The following USP32 variants were observed in gnomAD, a reference collection of about 807,000 sequenced individuals.
The protein encoded by USP32 is ubiquitin carboxyl-terminal hydrolase 32.
USP32 carries 59 observed loss-of-function variants against 204.8 expected under a neutral mutation model. The ratio of observed to expected loss-of-function variants is 0.29; its 90% CI spans 0.23 to 0.36. The LOEUF (loss-of-function observed/expected upper bound fraction) is 0.36. USP32 is among the 10% of genes least tolerant of loss of function. The pLI is 1.00. For missense variants in USP32, 1,160 were observed against 1,946.4 expected, an observed-to-expected ratio of 0.60 and a Z score of 7.60; for synonymous variants, 517 against 678.4, an observed-to-expected ratio of 0.76 and a Z score of 3.70.
intron 11 of USP32, among the ~76,000 whole-genome samples, chr17:60,246,113 A>AAG (rs1297425614): frequency 6.6e-6 from 1 of 151,920 alleles, no homozygotes; most frequent in Non-Finnish European, 1.5e-5. Context: ...TAAACACTAG[A>AAG]AGTCATTCAT....
intron 1 of USP32, among the ~76,000 whole-genome samples, chr17:60,374,860 T>C: frequency 6.6e-6 from 1 of 152,216 alleles, no homozygotes; most frequent in Non-Finnish European, 1.5e-5. Context: ...AGTCCATCGT[T>C]AACCAAAACA....
At chr17:60,403,372 T>G (rs1222533198) in intron 1 of USP32, among the ~76,000 whole-genome samples, 2 of 152,152 alleles carry the variant, frequency 1.3e-5, no homozygotes, top group African/African-American at 4.8e-5. Context: ...CTGCTGCATT[T>G]TAGTCATTGA....
At chr17:60,223,985 T>TA (rs2085321885) in intron 13 of USP32, among the ~76,000 whole-genome samples, 1 of 152,202 alleles carries the variant, frequency 6.6e-6, no homozygotes, top group Admixed American at 6.5e-5. Context: ...ATGAAGTCAC[T>TA]AAATTAAAAG....
intron 2 of USP32, among the ~76,000 whole-genome samples, chr17:60,314,120 T>C (rs1184861834): frequency 6.8e-6 from 1 of 147,442 alleles, no homozygotes; most frequent in Non-Finnish European, 1.5e-5. Context: ...TAAAAAGTTA[T>C]TGTGTGGCTT....
At chr17:60,376,638 C>G (rs903596052) in intron 1 of USP32, among the ~76,000 whole-genome samples, 6 of 151,914 alleles carry the variant, frequency 3.9e-5, no homozygotes, top group Admixed American at 2.0e-4. Flanking sequence ...ATTCTCCTGC[C>G]TTAGCCTCCC....
chr17:60,212,832 C>A (rs1377912787), intron 18 of USP32, among the ~76,000 whole-genome samples: 1 of 151,950 alleles, frequency 6.6e-6, no homozygotes, highest in East Asian at 1.9e-4. Context: ...TGAGTCACTG[C>A]AACCTCCGCC....
intron 27 of USP32, among the ~76,000 whole-genome samples, chr17:60,195,644 T>C (rs1339328551): frequency 6.6e-6 from 1 of 152,036 alleles, no homozygotes; most frequent in Non-Finnish European, 1.5e-5. Context: ...AGCCTCAATC[T>C]CTTTTGATGC....
chr17:60,289,828 C>T (rs1001996908), intron 4 of USP32, among the ~76,000 whole-genome samples: 2 of 152,138 alleles, frequency 1.3e-5, no homozygotes, highest in Non-Finnish European at 2.9e-5. Context: ...TGGAGCAGCT[C>T]TAATCCTAAT....
At chr17:60,399,418 G>A (rs1390503054) in intron 1 of USP32, among the ~76,000 whole-genome samples, 1 of 152,124 alleles carries the variant, frequency 6.6e-6, no homozygotes, top group Admixed American at 6.6e-5. Context: ...ACTTTGGGAG[G>A]CCAAGGCGGG....
chr17:60,236,969 C>T (rs1029449127), intron 11 of USP32, among the ~76,000 whole-genome samples: 12 of 152,096 alleles, frequency 7.9e-5, no homozygotes, highest in South Asian at 4.1e-4. Context: ...GTATATATTA[C>T]ATTTTGTTTA....
chr17:60,227,393 C>T (rs1441650707), intron 12 of USP32, among the ~76,000 whole-genome samples: 1 of 151,424 alleles, frequency 6.6e-6, no homozygotes, highest in Non-Finnish European at 1.5e-5. Flanking sequence ...CCTCAGCCTC[C>T]CGAGTAACTG....
rs145395429 is a variant in USP32, at chr17:60,269,504, T to G, written c.757A>C (p.Ile253Leu). Residue 253 changes from isoleucine to leucine, a missense_variant, in exon 7 of 34, where the codon ATA (isoleucine) becomes CTA (leucine). Physicochemically the swap from Ile to Leu is conservative, Grantham distance 5 (BLOSUM62 2). This residue lies in a region of USP32 where 536 missense variants were observed against 680.9 expected (regional missense o/e 0.79). Coordinates refer to ENST00000300896, the MANE Select transcript of USP32 (RefSeq NM_032582.4). ...CAACAGGCTGATAACCCACAGGATA[T>G]CTCCTTAAAATCTATGTGATTGTCA... ...NRDNHIDFKE[I>L]SCGLSACCRG... is the part of the protein sequence containing the mutation. 524 of 1,611,676 alleles carry G rather than the reference T, an allele frequency of 3.3e-4. 1 individual carries two copies. The highest frequency in any genetic ancestry group is 4.3e-4 in the Non-Finnish European group (503 of 1,179,324).
intron 4 of USP32, among the ~76,000 whole-genome samples, chr17:60,290,203 A>T (rs1203548934): frequency 6.6e-6 from 1 of 152,120 alleles, no homozygotes; most frequent in Non-Finnish European, 1.5e-5. Flanking sequence ...CCACCAACTG[A>T]AGTTTGCCAG....
Position 60,192,939 on chromosome 17 carries a change from G to A in USP32, c.3435-9C>T, listed in dbSNP as rs1477625665. ...AGCCCATACTGTCGTCACTGAAACA[G>A]AAGAGAACAAAAAGAGTGTAAGAAG... On this transcript the variant is annotated splice_polypyrimidine_tract_variant and intron_variant, in intron 27 of 33. Coordinates refer to ENST00000300896, the MANE Select transcript of USP32 (RefSeq NM_032582.4). The A allele has an allele frequency of 1.9e-6, 3 of 1,613,098 alleles. No homozygotes were observed. The highest frequency in any genetic ancestry group is 1.6e-4 in the Middle Eastern group (1 of 6,074).
chr17:60,335,715 C>T (rs918911128), intron 2 of USP32, among the ~76,000 whole-genome samples: 2 of 143,136 alleles, frequency 1.4e-5, no homozygotes, highest in Non-Finnish European at 3.0e-5. Flanking sequence ...AGACAAAAAC[C>T]CTGTCTATAG....
At chr17:60,232,172 T>C (rs923723530) in intron 12 of USP32, among the ~76,000 whole-genome samples, 41 of 136,144 alleles carry the variant, frequency 3.0e-4, no homozygotes, top group Admixed American at 2.1e-3. Flanking sequence ...CTTTTTCTTT[T>C]TTTTTTTTTT....
At chr17:60,278,292 CAT>C (rs1413588019) in intron 5 of USP32, among the ~76,000 whole-genome samples, 2 of 151,782 alleles carry the variant, frequency 1.3e-5, no homozygotes, top group South Asian at 2.1e-4. Context: ...AAAAACTACA[CAT>C]ATGACTGTGA....
chr17:60,289,079 C>G (rs764393851), intron 4 of USP32, among the ~76,000 whole-genome samples: 4 of 152,192 alleles, frequency 2.6e-5, no homozygotes, highest in Admixed American at 6.5e-5. Flanking sequence ...GCGATCTCGG[C>G]TCACTGCAAG....
exon 1 of USP32, chr17:60,422,281 T>G (rs1598329826): frequency 2.3e-6 from 1 of 428,064 alleles, no homozygotes; most frequent in Non-Finnish European, 4.1e-6. Context: ...ACAGTATTCT[T>G]GGGAGAAGGG....
Sources: allele counts gnomAD v4.1 joint callset (sites outside exome capture counted in the v4.1 genomes callset), GRCh38; gene constraint gnomAD v4.1.1; regional missense constraint gnomAD v4.1.1; transcripts MANE v1.5; gene names NCBI Gene and HGNC (gene_info 2026-07-23, HGNC 2026-07-21).